Variants in TMEM170A observed in about 807,000 individuals in gnomAD.
TMEM170A encodes the protein transmembrane protein 170A.
TMEM170A carries 18 observed loss-of-function variants against 12.8 expected under a neutral mutation model. That is an observed-to-expected ratio of 1.41 (90% CI 0.97 to 2.09). The LOEUF (loss-of-function observed/expected upper bound fraction) is 2.09, where lower values mean the gene tolerates loss of function less well. Among genes scored for constraint, TMEM170A ranks in the 30% most tolerant of loss-of-function variants. The pLI is 0.00. For synonymous variants in TMEM170A, 107 were observed against 76.2 expected, an observed-to-expected ratio of 1.40 and a Z score of -2.11; for missense variants, 220 against 179.9, an observed-to-expected ratio of 1.22 and a Z score of -1.28.
chr16:75,462,039 A>T (rs762166986), intron 1 of TMEM170A, among the ~76,000 whole-genome samples: 1 of 152,204 alleles, frequency 6.6e-6, no homozygotes, highest in Non-Finnish European at 1.5e-5. Context: ...TATGACGTTT[A>T]ATTAACAGAG....
At chr16:75,448,880 G>A (rs1476251759) in intron 2 of TMEM170A, among the ~76,000 whole-genome samples, 1 of 151,890 alleles carries the variant, frequency 6.6e-6, no homozygotes, top group Non-Finnish European at 1.5e-5. Context: ...TGGGTAACAT[G>A]ACCAAACCTT....
At position 75,464,520 on chromosome 16, in the gene TMEM170A, C is replaced by A. The variant is rs143430857; in HGVS notation, c.81G>T (p.Arg27=). The A allele has an allele frequency of 4.8e-4, 759 of 1,586,354 alleles. 5 individuals are homozygous for A. In the African/African-American group the frequency reaches 9.6e-3, roughly 20 times the overall value. ...TGGGGCACAGGGTCCCGTTGCCCAC[C>A]CGCGGCACAACCTTCAGGCTCAGGA... ...QQILSLKVVP[R]VGNGTLCPNS... is the part of the protein sequence containing the mutation. Residue 27 remains arginine (R), a synonymous_variant, in exon 1 of 3, where the codon CGG becomes CGT. Transcript: ENST00000561878.
At chr16:75,459,333 A>G (rs1442279197) in intron 1 of TMEM170A, among the ~76,000 whole-genome samples, 1 of 152,210 alleles carries the variant, frequency 6.6e-6, no homozygotes, top group Non-Finnish European at 1.5e-5. Context: ...TAACCTCCAC[A>G]GCAGAGTCAC....
chr16:75,464,008 G>A (rs1045019247), intron 1 of TMEM170A, among the ~76,000 whole-genome samples: 2 of 152,252 alleles, frequency 1.3e-5, no homozygotes, highest in African/African-American at 4.8e-5. Context: ...GGAGGGGCCG[G>A]GCTGCAGCCC....
At chr16:75,459,296 G>C (rs2079858904) in intron 1 of TMEM170A, among the ~76,000 whole-genome samples, 1 of 152,198 alleles carries the variant, frequency 6.6e-6, no homozygotes, top group Admixed American at 6.5e-5. Context: ...AACAAAAGCG[G>C]TCTATAATGG....
intron 2 of TMEM170A, among the ~76,000 whole-genome samples, chr16:75,450,114 C>T (rs888522423): frequency 6.8e-6 from 1 of 148,020 alleles, no homozygotes; most frequent in Non-Finnish European, 1.5e-5. Flanking sequence ...CATCCTGGGG[C>T]AGAGGGTCTC....
chr16:75,455,137 C>A (rs771683980), intron 1 of TMEM170A, among the ~76,000 whole-genome samples: 5 of 152,118 alleles, frequency 3.3e-5, no homozygotes, highest in Non-Finnish European at 5.9e-5. Context: ...GCAGGCAGAT[C>A]ACGAGGTCAG....
At chr16:75,455,644 A>T (rs2079779137) in intron 1 of TMEM170A, among the ~76,000 whole-genome samples, 2 of 152,126 alleles carry the variant, frequency 1.3e-5, no homozygotes, top group Admixed American at 1.3e-4. Context: ...CTCTCCTAAA[A>T]ATACGTAAAA....
At chr16:75,453,763 CA>C (rs2079731512) in intron 1 of TMEM170A, among the ~76,000 whole-genome samples, 1 of 152,186 alleles carries the variant, frequency 6.6e-6, no homozygotes. Flanking sequence ...CTGGCTCCTA[CA>C]GAACTCTAAT....
chr16:75,464,528 CA>C lies in TMEM170A; in HGVS notation c.72del (p.Val25CysfsTer60). 1 of 1,587,448 alleles carries C rather than the reference CA, an allele frequency of 6.3e-7. No individual in the cohort carries two copies. On this transcript the variant is annotated frameshift_variant, in exon 1 of 3. Coordinates refer to ENST00000561878, the MANE Select transcript of TMEM170A (RefSeq NM_145254.3). LOFTEE classifies it high-confidence loss of function. ...GLLQQILSLK[V>X]VPRVGNGTLC... ...AGGGTCCCGTTGCCCACCCGCGGCA[CA>C]ACCTTCAGGCTCAGGATCTGCTGCA...
At position 75,464,536 on chromosome 16, in the gene TMEM170A, A is replaced by G; in HGVS notation, c.65T>C (p.Leu22Pro). Residue 22 changes from leucine to proline, a missense_variant, in exon 1 of 3, where the codon CTG becomes CCG. Physicochemically the swap from Leu to Pro is moderately conservative, Grantham distance 98. Coordinates refer to ENST00000561878, the MANE Select transcript of TMEM170A (RefSeq NM_145254.3). ...GTTGCCCACCCGCGGCACAACCTTC[A>G]GGCTCAGGATCTGCTGCAGGAGCCC... Reference protein sequence around the residue: ...SAGLLQQILSLKVVPRVGNGT... With the variant: ...SAGLLQQILSPKVVPRVGNGT... 1 of 1,588,060 alleles carries G rather than the reference A, an allele frequency of 6.3e-7. No individual in the cohort carries two copies. The highest frequency in any genetic ancestry group is 8.5e-7 in the Non-Finnish European group (1 of 1,169,836).
intron 2 of TMEM170A, among the ~76,000 whole-genome samples, chr16:75,450,934 T>A (rs1455498747): frequency 6.6e-6 from 1 of 152,114 alleles, no homozygotes; most frequent in African/African-American, 2.4e-5. Flanking sequence ...AGTGCTGGGA[T>A]TACAGTCATG....
At chr16:75,462,865 A>T (rs919024018) in intron 1 of TMEM170A, among the ~76,000 whole-genome samples, 2 of 152,198 alleles carry the variant, frequency 1.3e-5, no homozygotes, top group African/African-American at 2.4e-5. Flanking sequence ...TATGATGTTC[A>T]GTTTCTTGGA....
At position 75,447,497 on chromosome 16, in the gene TMEM170A, AT is replaced by A. The variant is rs1337469922; in HGVS notation, c.*60del. 6.4e-7 allele frequency: 1 copy of A among 1,550,726 alleles called. No homozygotes were observed. The highest frequency in any genetic ancestry group is 8.7e-7 in the Non-Finnish European group (1 of 1,151,184). On this transcript the variant is annotated 3_prime_UTR_variant, in exon 3 of 3. Coordinates refer to ENST00000561878, the MANE Select transcript of TMEM170A (RefSeq NM_145254.3). Reference sequence around the variant, plus strand: ...AACTAAGAAAACACTACACTCCATAATGTATTCTTTTGGAGGATTCCATAAA... The same window carrying A: ...AACTAAGAAAACACTACACTCCATAAGTATTCTTTTGGAGGATTCCATAAA...
At position 75,443,855 on chromosome 16, in the gene TMEM170A, G is replaced by C. The variant is rs553670280; in HGVS notation, c.*3703C>G. 1 of 152,172 alleles carries C rather than the reference G, an allele frequency of 6.6e-6. No homozygotes were observed. Among genetic ancestry groups the C allele is most frequent in the Non-Finnish European group, 1.5e-5 (1 of 68,042 alleles). The allele number at this position is 152,172 out of a possible 1,614,324, so 9.4% of individuals were successfully genotyped here. A position where few individuals can be genotyped will look rare whatever the true frequency, so the allele number is the denominator to read the frequency against. On this transcript the variant is annotated 3_prime_UTR_variant, in exon 3 of 3. Coordinates refer to ENST00000561878, the MANE Select transcript of TMEM170A (RefSeq NM_145254.3). ...TATAGTCCCATCACGTTGGGAGGCC[G>C]AGGCGGGTGGATCACTTGAAGTCAG...
chr16:75,444,552 T>C lies in TMEM170A; in HGVS notation c.*3006A>G, dbSNP rs1311169545. Reference sequence around the variant, plus strand: ...ATTCTCAAAACTATATAAGGTAAAATGTTCAACACAATTGCCAATATTCTT... The same window carrying C: ...ATTCTCAAAACTATATAAGGTAAAACGTTCAACACAATTGCCAATATTCTT... On this transcript the variant is annotated 3_prime_UTR_variant, in exon 3 of 3. Coordinates refer to ENST00000561878, the MANE Select transcript of TMEM170A (RefSeq NM_145254.3). The C allele has an allele frequency of 6.6e-6, 1 of 152,182 alleles. No individual in the cohort carries two copies. The highest frequency in any genetic ancestry group is 1.5e-5 in the Non-Finnish European group (1 of 68,032). The allele number at this position is 152,182 out of a possible 1,614,324, so 9.4% of individuals were successfully genotyped here.
At chr16:75,456,596 C>T (rs2079802354) in intron 1 of TMEM170A, among the ~76,000 whole-genome samples, 1 of 152,150 alleles carries the variant, frequency 6.6e-6, no homozygotes, top group Non-Finnish European at 1.5e-5. Flanking sequence ...ACAACAAACC[C>T]ATATCCTCCT....
chr16:75,464,322 G>A (rs1464927597), intron 1 of TMEM170A, 146 bp downstream of exon 1: 2 of 1,446,610 alleles, frequency 1.4e-6, no homozygotes, highest in African/African-American at 3.0e-5. Context: ...GGGGCTCCGG[G>A]CGAGCAGCAC....
rs748255112 is a variant in TMEM170A, at chr16:75,464,643, A to C, written c.-43T>G. ...CAGAGAAATGAGGGACGAGCGCCCG[A>C]AGTGCGGTAGCGGCCGGCGCCGACT... On this transcript the variant is annotated 5_prime_UTR_variant, in exon 1 of 3. Transcript: ENST00000561878. 1.9e-5 allele frequency: 29 copies of C among 1,551,530 alleles called. No individual in the cohort carries two copies. Among genetic ancestry groups the C allele is most frequent in the Non-Finnish European group, 2.3e-5 (27 of 1,154,870 alleles).
Sources: gnomAD v4.1 joint callset for allele counts (sites outside exome capture counted in the v4.1 genomes callset) on GRCh38, gnomAD v4.1.1 for gene constraint, MANE v1.5 for transcripts, NCBI Gene and HGNC (gene_info 2026-07-23, HGNC 2026-07-21) for gene names.